Variants in FRMD5 observed in about 807,000 individuals in gnomAD.
FRMD5 encodes the protein FERM domain-containing protein 5.
FRMD5 carries 20 observed loss-of-function variants against 69.0 expected under a neutral mutation model. That is an observed-to-expected ratio of 0.29 (90% CI 0.20 to 0.42). The LOEUF (loss-of-function observed/expected upper bound fraction) is 0.42, where lower values mean the gene tolerates loss of function less well. Ranked by LOEUF, FRMD5 falls within the 10% of genes least tolerant of loss-of-function variation. The pLI is 1.00. For synonymous variants in FRMD5, 271 were observed against 260.1 expected (o/e 1.04, Z -0.40); for missense variants, 595 against 708.6 (o/e 0.84, Z 1.82).
chr15:43,977,857 T>C (rs978819878), intron 1 of FRMD5, among the ~76,000 whole-genome samples: 2 of 152,148 alleles, frequency 1.3e-5, no homozygotes, highest in Admixed American at 1.3e-4. Context: ...CTAGGGAGTT[T>C]ATCTGGTCAG....
chr15:44,115,811 C>G (rs138431386), intron 1 of FRMD5, among the ~76,000 whole-genome samples: 183 of 152,240 alleles, frequency 1.2e-3, no homozygotes, highest in Non-Finnish European at 1.9e-3. Context: ...AAAACTGCTA[C>G]AAAGGTAGGT....
chr15:44,084,805 G>A (rs1894130276), intron 1 of FRMD5, among the ~76,000 whole-genome samples: 1 of 152,050 alleles, frequency 6.6e-6, no homozygotes, highest in Admixed American at 6.6e-5. Flanking sequence ...CACTTCAATT[G>A]TTATATCTCT....
intron 1 of FRMD5, among the ~76,000 whole-genome samples, chr15:44,001,170 C>A (rs945446839): frequency 1.3e-5 from 2 of 152,114 alleles, no homozygotes; most frequent in African/African-American, 4.8e-5. Context: ...TGTTGAACAC[C>A]TTTTCATATA....
At chr15:44,106,059 T>A (rs1447100837) in intron 1 of FRMD5, among the ~76,000 whole-genome samples, 1 of 152,198 alleles carries the variant, frequency 6.6e-6, no homozygotes, top group African/African-American at 2.4e-5. Context: ...TTTTTATTAT[T>A]TTTTCTTGTT....
chr15:43,963,227 C>A (rs1229877860), intron 1 of FRMD5, among the ~76,000 whole-genome samples: 1 of 152,044 alleles, frequency 6.6e-6, no homozygotes, highest in Non-Finnish European at 1.5e-5. Context: ...ACAAACAACC[C>A]CATCAAAAAG....
At chr15:44,104,329 A>T (rs1452286907) in intron 1 of FRMD5, among the ~76,000 whole-genome samples, 3 of 152,240 alleles carry the variant, frequency 2.0e-5, no homozygotes, top group Non-Finnish European at 2.9e-5. Context: ...TCATGAAGTT[A>T]CAGTAAGCTG....
At chr15:43,937,485 G>T (rs895229307) in intron 1 of FRMD5, among the ~76,000 whole-genome samples, 2 of 151,720 alleles carry the variant, frequency 1.3e-5, no homozygotes, top group Non-Finnish European at 2.9e-5. Flanking sequence ...TAAAAATAAA[G>T]AAATTAGCTG....
At chr15:44,108,368 G>C (rs2076748898) in intron 1 of FRMD5, among the ~76,000 whole-genome samples, 1 of 152,172 alleles carries the variant, frequency 6.6e-6, no homozygotes, top group African/African-American at 2.4e-5. Flanking sequence ...AATAAGGCCA[G>C]GCGCGGTGGC....
chr15:44,179,773 A>C (rs945440453), intron 1 of FRMD5, among the ~76,000 whole-genome samples: 1 of 152,240 alleles, frequency 6.6e-6, no homozygotes, highest in African/African-American at 2.4e-5. Flanking sequence ...AGAGGGTTAC[A>C]TTGCAATTTT....
chr15:44,120,455 A>G (rs2076931398), intron 1 of FRMD5, among the ~76,000 whole-genome samples: 1 of 152,160 alleles, frequency 6.6e-6, no homozygotes, highest in Non-Finnish European at 1.5e-5. Context: ...GAATTATAGA[A>G]TAAGTACTAG....
At chr15:44,048,193 G>A (rs529308170) in intron 1 of FRMD5, among the ~76,000 whole-genome samples, 2 of 152,246 alleles carry the variant, frequency 1.3e-5, no homozygotes, top group East Asian at 3.9e-4. Flanking sequence ...CAGTATAGGA[G>A]GGTTCTAGTT....
At chr15:43,937,302 T>C (rs952401700) in intron 1 of FRMD5, among the ~76,000 whole-genome samples, 1 of 152,108 alleles carries the variant, frequency 6.6e-6, no homozygotes, top group African/African-American at 2.4e-5. Flanking sequence ...CAGGTCAGAT[T>C]CCTTAGAAAA....
chr15:43,965,080 G>A (rs1209553826), intron 1 of FRMD5, among the ~76,000 whole-genome samples: 1 of 152,184 alleles, frequency 6.6e-6, no homozygotes, highest in Non-Finnish European at 1.5e-5. Context: ...ATGGCCTGGG[G>A]ACTCAGTACT....
intron 1 of FRMD5, among the ~76,000 whole-genome samples, chr15:44,088,229 T>C (rs967295206): frequency 2.0e-5 from 3 of 152,098 alleles, no homozygotes; most frequent in Non-Finnish European, 4.4e-5. Flanking sequence ...TATGCAACCA[T>C]CATCACAATC....
intron 1 of FRMD5, among the ~76,000 whole-genome samples, chr15:43,929,134 G>A (rs2140460606): frequency 6.6e-6 from 1 of 152,260 alleles, no homozygotes; most frequent in East Asian, 1.9e-4. Context: ...CTCTGAGGGT[G>A]GGATAATTCC....
chr15:44,087,443 G>A (rs771099929), intron 1 of FRMD5, among the ~76,000 whole-genome samples: 1 of 152,082 alleles, frequency 6.6e-6, no homozygotes, highest in African/African-American at 2.4e-5. Flanking sequence ...AGTAGTCAAG[G>A]CAGGTTCCTT....
chr15:43,987,533 T>C (rs556573375), intron 1 of FRMD5, among the ~76,000 whole-genome samples: 13 of 152,254 alleles, frequency 8.5e-5, no homozygotes, highest in African/African-American at 2.9e-4. Flanking sequence ...ATTACAGTTA[T>C]TGGGCACTTT....
At chr15:44,128,092 T>G (rs2077048054) in intron 1 of FRMD5, among the ~76,000 whole-genome samples, 1 of 152,174 alleles carries the variant, frequency 6.6e-6, no homozygotes, top group Non-Finnish European at 1.5e-5. Flanking sequence ...GCAGTTACAT[T>G]TCAATGAAGC....
intron 1 of FRMD5, among the ~76,000 whole-genome samples, chr15:44,090,321 T>A (rs2076452938): frequency 6.6e-6 from 1 of 152,138 alleles, no homozygotes; most frequent in African/African-American, 2.4e-5. Flanking sequence ...GATGTCCCAA[T>A]TGATTTGTAA....
Sources: allele counts gnomAD v4.1 joint callset (sites outside exome capture counted in the v4.1 genomes callset), GRCh38; gene constraint gnomAD v4.1.1; transcripts MANE v1.5; gene names NCBI Gene and HGNC (gene_info 2026-07-23, HGNC 2026-07-21).